CCSER1: variants seen among roughly 807,000 people sequenced by gnomAD.
The protein encoded by CCSER1 is serine-rich coiled-coil domain-containing protein 1.
A neutral mutation model predicts 82.0 loss-of-function variants in CCSER1; 41 were observed. The ratio of observed to expected loss-of-function variants is 0.50; its 90% CI spans 0.39 to 0.65. The LOEUF (loss-of-function observed/expected upper bound fraction) is 0.65, where lower values mean the gene tolerates loss of function less well. Among genes scored for constraint, CCSER1 ranks in the 30% least tolerant of loss-of-function variants. CCSER1 has a pLI of 0.00. For synonymous variants in CCSER1, 414 were observed against 383.9 expected (o/e 1.08, Z -0.92); for missense variants, 1,119 against 1,064.2 (o/e 1.05, Z -0.72).
chr4:90,500,467 A>C (rs1415334171), intron 5 of CCSER1, among the ~76,000 whole-genome samples: 3 of 151,960 alleles, frequency 2.0e-5, no homozygotes, highest in Non-Finnish European at 4.4e-5. Flanking sequence ...GAGTAGCTGG[A>C]ATTACACACG....
rs115140570 is a variant in CCSER1 at position 90,835,874 on chromosome 4, A to G, written c.2094+20029A>G. On this transcript the variant is annotated intron_variant, in intron 8 of 10. Transcript: ENST00000509176. Reference sequence around the variant, plus strand: ...CCATTGTGAAATGTTTGCCTTATGGACAACACAAGGTCTGGGGCATAATAC... The same window carrying G: ...CCATTGTGAAATGTTTGCCTTATGGGCAACACAAGGTCTGGGGCATAATAC... 8.5e-3 allele frequency among the ~76,000 whole-genome samples: 1,302 copies of G among 152,284 alleles called. 21 individuals are homozygous for G. The highest frequency in any genetic ancestry group is 0.03 in the African/African-American group (1,242 of 41,550).
chr4:90,475,682 AG>A (rs1480766249), intron 5 of CCSER1, among the ~76,000 whole-genome samples: 1 of 152,156 alleles, frequency 6.6e-6, no homozygotes, highest in East Asian at 1.9e-4. Flanking sequence ...AGAGTTAGTC[AG>A]GGAGGCTGTA....
At chr4:90,566,854 G>A (rs1779459179) in intron 5 of CCSER1, among the ~76,000 whole-genome samples, 2 of 151,436 alleles carry the variant, frequency 1.3e-5, no homozygotes, top group African/African-American at 2.4e-5. Context: ...CGCCCATCTC[G>A]GCCTCCCAAA....
chr4:90,224,632 T>C (rs538496861), intron 1 of CCSER1, among the ~76,000 whole-genome samples: 1 of 152,352 alleles, frequency 6.6e-6, no homozygotes, highest in South Asian at 2.1e-4. Context: ...TATGTTTTAC[T>C]TCACACTGAT....
intron 8 of CCSER1, among the ~76,000 whole-genome samples, chr4:90,916,372 T>A (rs1727421374): frequency 6.6e-6 from 1 of 152,054 alleles, no homozygotes; most frequent in South Asian, 2.1e-4. Flanking sequence ...TATCTACAAC[T>A]ATCTGATCTT....
At chr4:91,053,946 G>A (rs1225438378) in intron 9 of CCSER1, among the ~76,000 whole-genome samples, 1 of 152,192 alleles carries the variant, frequency 6.6e-6, no homozygotes, top group Non-Finnish European at 1.5e-5. Context: ...CCTATGGAGG[G>A]ACATGTGGAT....
chr4:90,388,553 G>A (rs530984606), intron 3 of CCSER1, among the ~76,000 whole-genome samples: 4 of 152,104 alleles, frequency 2.6e-5, no homozygotes, highest in South Asian at 2.1e-4. Flanking sequence ...CAGGAGATCC[G>A]CTTGCCTTGG....
intron 10 of CCSER1, among the ~76,000 whole-genome samples, chr4:91,283,014 T>C (rs1460395199): frequency 6.6e-6 from 1 of 152,080 alleles, no homozygotes; most frequent in Non-Finnish European, 1.5e-5. Context: ...CTTTTAAAGA[T>C]ATTCTTGTCA....
intron 5 of CCSER1, among the ~76,000 whole-genome samples, chr4:90,552,351 T>C (rs138365455): frequency 5.9e-5 from 9 of 152,274 alleles, no homozygotes; most frequent in Middle Eastern, 3.4e-3. Flanking sequence ...AACACAAACA[T>C]TCATAAAGAT....
intron 9 of CCSER1, among the ~76,000 whole-genome samples, chr4:91,005,722 A>G (rs765250377): frequency 6.6e-6 from 1 of 152,168 alleles, no homozygotes; most frequent in Non-Finnish European, 1.5e-5. Context: ...GTGCAATGGT[A>G]ATAGAGCTTA....
chr4:91,496,581 TATATACACGAATATATATTTGA>T (rs1278101670), intron 10 of CCSER1, among the ~76,000 whole-genome samples: 1,196 of 59,634 alleles, frequency 0.02, 268 homozygotes, highest in Non-Finnish European at 0.033. Flanking sequence ...TATATATATA[TATATACACGAATATATATTTGA>T]ATATATATAT....
chr4:90,136,912 C>T (rs995029738), intron 1 of CCSER1, among the ~76,000 whole-genome samples: 8 of 152,056 alleles, frequency 5.3e-5, no homozygotes, highest in Non-Finnish European at 1.0e-4. Context: ...GACCCAAATT[C>T]ATTGTTATAA....
intron 10 of CCSER1, among the ~76,000 whole-genome samples, chr4:91,197,605 A>C (rs1735548333): frequency 2.0e-5 from 3 of 152,318 alleles, no homozygotes; most frequent in Admixed American, 2.0e-4. Context: ...ATTTCATTTC[A>C]GCTGTTGAAT....
intron 8 of CCSER1, among the ~76,000 whole-genome samples, chr4:90,882,688 T>C (rs556684198): frequency 1.3e-5 from 2 of 152,202 alleles, no homozygotes; most frequent in Non-Finnish European, 2.9e-5. Flanking sequence ...CATTTACTTT[T>C]ATATTGTAGA....
At chr4:90,199,650 T>G (rs1737275543) in intron 1 of CCSER1, among the ~76,000 whole-genome samples, 1 of 152,166 alleles carries the variant, frequency 6.6e-6, no homozygotes, top group East Asian at 1.9e-4. Context: ...GAGAGAGACT[T>G]TAGCTAATCA....
At chr4:91,348,366 T>C (rs1748217584) in intron 10 of CCSER1, among the ~76,000 whole-genome samples, 1 of 152,186 alleles carries the variant, frequency 6.6e-6, no homozygotes, top group Non-Finnish European at 1.5e-5. Flanking sequence ...ATATACATTG[T>C]TGGATTTAAT....
At chr4:90,462,205 C>T (rs527364346) in intron 4 of CCSER1, among the ~76,000 whole-genome samples, 2 of 148,658 alleles carry the variant, frequency 1.3e-5, no homozygotes, top group South Asian at 4.2e-4. Context: ...ATGTATTTAT[C>T]AACCAGGAAA....
intron 7 of CCSER1, among the ~76,000 whole-genome samples, chr4:90,748,834 T>G (rs1423859209): frequency 1.3e-5 from 2 of 150,300 alleles, no homozygotes; most frequent in Non-Finnish European, 3.0e-5. Context: ...ATAAATGTCT[T>G]CTTTTGAGAA....
chr4:90,562,796 C>G (rs1778928125), intron 5 of CCSER1, among the ~76,000 whole-genome samples: 2 of 150,848 alleles, frequency 1.3e-5, no homozygotes. Context: ...CCTTGGCTTC[C>G]CAAAGTGCTA....
Sources: gnomAD v4.1 joint callset for allele counts (sites outside exome capture counted in the v4.1 genomes callset) on GRCh38, gnomAD v4.1.1 for gene constraint, MANE v1.5 for transcripts, NCBI Gene and HGNC (gene_info 2026-07-23, HGNC 2026-07-21) for gene names.